Variants in GMDS observed in about 807,000 individuals in gnomAD.
GMDS encodes the protein GDP-mannose 4,6 dehydratase.
GMDS carries 20 observed loss-of-function variants against 49.9 expected under a neutral mutation model. The observed-to-expected ratio is 0.40, with a 90% CI of 0.28 to 0.58. The LOEUF is 0.58. GMDS is among the 20% of genes least tolerant of loss of function. The pLI, the probability that GMDS is intolerant of heterozygous loss-of-function variation, is 0.42. For synonymous variants in GMDS, 177 were observed against 178.6 expected, an observed-to-expected ratio of 0.99 and a Z score of 0.07; for missense variants, 362 against 481.4, an observed-to-expected ratio of 0.75 and a Z score of 2.32.
intron 9 of GMDS, among the ~76,000 whole-genome samples, chr6:1,671,933 G>T (rs1230219994): frequency 2.0e-5 from 3 of 151,980 alleles, no homozygotes; most frequent in African/African-American, 4.8e-5. Context: ...AAATTGCTAG[G>T]ATTACAGGCG....
chr6:2,142,336 C>T lies in GMDS; in HGVS notation c.103-17605G>A, dbSNP rs534911436. On this transcript the variant is annotated intron_variant, in intron 1 of 10. Coordinates refer to ENST00000380815, the MANE Select transcript of GMDS (RefSeq NM_001500.4). ...GGGAATGGGATGTTAGTTGGAGATA[C>T]GGTTGGTGCAGATGTAATTAGTTAA... Among the ~76,000 whole-genome samples, 60 of 152,116 alleles carry T rather than the reference C, an allele frequency of 3.9e-4. No homozygotes were observed. The South Asian group carries it at 4.2e-3, about 11-fold the overall frequency.
intron 4 of GMDS, among the ~76,000 whole-genome samples, chr6:2,091,775 C>T (rs1311824936): frequency 6.6e-6 from 1 of 151,958 alleles, no homozygotes; most frequent in African/African-American, 2.4e-5. Flanking sequence ...TAGTGATGCA[C>T]AGCTGTGGTC....
At chr6:2,153,205 A>G (rs948904057) in intron 1 of GMDS, among the ~76,000 whole-genome samples, 1 of 152,238 alleles carries the variant, frequency 6.6e-6, no homozygotes. Context: ...TTTCAGATAC[A>G]ACAAAGGTTA....
intron 7 of GMDS, among the ~76,000 whole-genome samples, chr6:1,845,903 C>T (rs2113755818): frequency 6.6e-6 from 1 of 151,994 alleles, no homozygotes; most frequent in East Asian, 1.9e-4. Context: ...GTCTGTGGCT[C>T]AGGGGGTTGG....
chr6:2,101,206 G>A (rs1400434438), intron 4 of GMDS, among the ~76,000 whole-genome samples: 4 of 151,628 alleles, frequency 2.6e-5, no homozygotes, highest in East Asian at 1.9e-4. Flanking sequence ...GGGTTTAACC[G>A]GGATGTTTCT....
intron 9 of GMDS, among the ~76,000 whole-genome samples, chr6:1,698,555 C>T (rs1765424148): frequency 1.3e-5 from 2 of 151,974 alleles, no homozygotes. Context: ...ACCGCTCTCC[C>T]GAGTAAGGAA....
At chr6:1,853,332 A>C (rs377044531) in intron 7 of GMDS, among the ~76,000 whole-genome samples, 2,982 of 149,136 alleles carry the variant, frequency 0.02, 100 homozygotes, top group African/African-American at 0.071. Flanking sequence ...TCCTGGCTAA[A>C]ACGGTGAAAC....
chr6:2,197,705 T>C (rs1779334019), intron 1 of GMDS, among the ~76,000 whole-genome samples: 2 of 152,150 alleles, frequency 1.3e-5, no homozygotes, highest in African/African-American at 2.4e-5. Context: ...AACAGGATAA[T>C]ATGGCTTTAA....
intron 7 of GMDS, among the ~76,000 whole-genome samples, chr6:1,826,438 T>C (rs974259905): frequency 3.3e-5 from 5 of 152,196 alleles, no homozygotes; most frequent in Non-Finnish European, 5.9e-5. Flanking sequence ...TTTTAGCAAA[T>C]TGTTTTCATG....
At chr6:2,066,456 A>G (rs1274128033) in intron 4 of GMDS, among the ~76,000 whole-genome samples, 1 of 150,860 alleles carries the variant, frequency 6.6e-6, no homozygotes, top group Non-Finnish European at 1.5e-5. Flanking sequence ...TGCTCCAATT[A>G]AAAGACACAG....
At chr6:1,777,755 A>T (rs758964574) in intron 7 of GMDS, among the ~76,000 whole-genome samples, 11 of 152,242 alleles carry the variant, frequency 7.2e-5, no homozygotes, top group Non-Finnish European at 1.5e-4. Flanking sequence ...GGATGGAGGG[A>T]TAGCAAGAGG....
At chr6:2,134,795 A>G (rs1775912810) in intron 1 of GMDS, among the ~76,000 whole-genome samples, 1 of 152,248 alleles carries the variant, frequency 6.6e-6, no homozygotes, top group African/African-American at 2.4e-5. Context: ...AACTTTCTAT[A>G]GACATAGTTT....
rs1250165106 is a variant in GMDS at position 1,998,407 on chromosome 6, G to A, written c.346-37441C>T. Among the ~76,000 whole-genome samples, 4 of 151,830 alleles carry A rather than the reference G, an allele frequency of 2.6e-5. No individual in the cohort carries two copies. The East Asian group carries it at 7.8e-4, about 30-fold the overall frequency. On this transcript the variant is annotated intron_variant, in intron 4 of 10. Transcript: ENST00000380815. ...AATAAGGAAAGGAAGGAAAAGGAGG[G>A]AAGAAAAGAAGAGGAAGAAAGGGAC...
chr6:2,013,362 C>T (rs1767683412), intron 4 of GMDS, among the ~76,000 whole-genome samples: 1 of 152,062 alleles, frequency 6.6e-6, no homozygotes, highest in African/African-American at 2.4e-5. Context: ...TATCTCAGTT[C>T]CTATTACTTG....
intron 1 of GMDS, among the ~76,000 whole-genome samples, chr6:2,179,311 AT>A (rs980561423): frequency 1.3e-4 from 20 of 152,302 alleles, no homozygotes; most frequent in African/African-American, 4.1e-4. Flanking sequence ...CAAAAAAAAA[AT>A]ATTTTAGGGT....
chr6:1,885,022 C>T (rs915682786), intron 7 of GMDS, among the ~76,000 whole-genome samples: 1 of 152,170 alleles, frequency 6.6e-6, no homozygotes, highest in African/African-American at 2.4e-5. Flanking sequence ...ATGTAGCACT[C>T]TGATAAAACA....
intron 9 of GMDS, among the ~76,000 whole-genome samples, chr6:1,698,475 A>G (rs1253292951): frequency 3.3e-5 from 5 of 152,212 alleles, no homozygotes; most frequent in Non-Finnish European, 7.3e-5. Flanking sequence ...GTTTCCAGAA[A>G]GAGTTGAGTA....
chr6:1,768,761 A>G (rs1040027429), intron 7 of GMDS, among the ~76,000 whole-genome samples: 1 of 152,250 alleles, frequency 6.6e-6, no homozygotes, highest in African/African-American at 2.4e-5. Flanking sequence ...CATTTCAGAT[A>G]AGGAATACTC....
At chr6:2,204,292 A>C (rs1311683816) in intron 1 of GMDS, among the ~76,000 whole-genome samples, 1 of 152,100 alleles carries the variant, frequency 6.6e-6, no homozygotes, top group African/African-American at 2.4e-5. Context: ...CTTCCCCCAA[A>C]TCTTGTCCAA....
Sources: allele counts gnomAD v4.1 joint callset (sites outside exome capture counted in the v4.1 genomes callset), GRCh38; gene constraint gnomAD v4.1.1; transcripts MANE v1.5; gene names NCBI Gene and HGNC (gene_info 2026-07-23, HGNC 2026-07-21).